SGMS2: variants seen among roughly 807,000 people sequenced by gnomAD.
SGMS2 encodes the protein phosphatidylcholine:ceramide cholinephosphotransferase 2.
In SGMS2, 21 loss-of-function variants were observed where a neutral mutation model predicts 43.8. That is an observed-to-expected ratio of 0.48 (90% confidence interval 0.34 to 0.69). SGMS2 has a LOEUF of 0.69. Among genes scored for constraint, SGMS2 ranks in the 30% least tolerant of loss-of-function variants. SGMS2 has a pLI of 0.01. For missense variants in SGMS2, 384 were observed against 443.2 expected (o/e 0.87, Z 1.20); for synonymous variants, 167 against 160.6 (o/e 1.04, Z -0.30).
At chr4:107,903,136 T>A in intron 4 of SGMS2, 97 bp from the exon 5 acceptor site, 1 of 1,193,806 alleles carries the variant, frequency 8.4e-7, no homozygotes, top group Non-Finnish European at 1.2e-6. Flanking sequence ...AAAAAAAAAA[T>A]CACAACCTGG....
At chr4:107,877,893 T>C (rs1255792787) in intron 2 of SGMS2, among the ~76,000 whole-genome samples, 1 of 150,256 alleles carries the variant, frequency 6.7e-6, no homozygotes, top group Non-Finnish European at 1.5e-5. Flanking sequence ...CCTCACTCTT[T>C]CTTTCTTTCT....
intron 2 of SGMS2, among the ~76,000 whole-genome samples, chr4:107,868,684 C>G (rs1333399898): frequency 1.3e-5 from 2 of 151,926 alleles, no homozygotes; most frequent in African/African-American, 4.8e-5. Flanking sequence ...TGCCACTGCA[C>G]TCCAGCCTGG....
intron 1 of SGMS2, among the ~76,000 whole-genome samples, chr4:107,831,506 A>G (rs1725890689): frequency 1.3e-5 from 2 of 152,346 alleles, no homozygotes; most frequent in South Asian, 4.1e-4. Flanking sequence ...CTCCCTGTGT[A>G]TAAAACATTG....
chr4:107,848,881 A>G (rs1015070395), intron 1 of SGMS2, among the ~76,000 whole-genome samples: 1 of 152,158 alleles, frequency 6.6e-6, no homozygotes, highest in African/African-American at 2.4e-5. Context: ...TTCTTAGAGT[A>G]GAAGTTTTTA....
chr4:107,896,934 C>G (rs1041621976), intron 3 of SGMS2, among the ~76,000 whole-genome samples: 1 of 152,146 alleles, frequency 6.6e-6, no homozygotes, highest in Non-Finnish European at 1.5e-5. Flanking sequence ...GATCAAAACA[C>G]TGACCATAAT....
At chr4:107,888,132 T>C (rs145043586) in intron 2 of SGMS2, among the ~76,000 whole-genome samples, 1 of 152,284 alleles carries the variant, frequency 6.6e-6, no homozygotes, top group Non-Finnish European at 1.5e-5. Flanking sequence ...CTTTAATTTC[T>C]GGCCCAGTGT....
chr4:107,899,542 C>G lies in SGMS2; in HGVS notation c.456-33C>G, dbSNP rs571894291. The G allele has an allele frequency of 4.0e-6, 6 of 1,510,970 alleles. No homozygotes were observed. The East Asian group carries it at 9.1e-5, about 23-fold the overall frequency. The allele number at this position is 1,510,970 out of a possible 1,614,324, so 93.6% of individuals were successfully genotyped here. On this transcript the variant is annotated intron_variant, in intron 3 of 6. Transcript: ENST00000690982. ...ATTAGGAGTAAAACCAACCAGTAAA[C>G]TTGTTTTTCCCCATCCCTATTTTTT...
intron 2 of SGMS2, among the ~76,000 whole-genome samples, chr4:107,879,508 C>G (rs1300493688): frequency 1.3e-5 from 2 of 151,184 alleles, no homozygotes; most frequent in Non-Finnish European, 2.9e-5. Context: ...GTTGCCCAGG[C>G]TAGAGTGCGG....
chr4:107,857,002 AC>A (rs1248919856), intron 1 of SGMS2, among the ~76,000 whole-genome samples: 1 of 152,102 alleles, frequency 6.6e-6, no homozygotes, highest in East Asian at 1.9e-4. Context: ...GAAACCCTAT[AC>A]CCATTAGCAT....
At chr4:107,881,083 C>T (rs1291441283) in intron 2 of SGMS2, among the ~76,000 whole-genome samples, 3 of 151,566 alleles carry the variant, frequency 2.0e-5, no homozygotes, top group Non-Finnish European at 2.9e-5. Context: ...TTTCTTTTTT[C>T]CCCACAATAG....
At chr4:107,903,102 T>G (rs1731262986) in intron 4 of SGMS2, 131 bp from the exon 5 acceptor site, 1 of 825,380 alleles carries the variant, frequency 1.2e-6, no homozygotes, top group Non-Finnish European at 2.0e-6. Context: ...CCTTGGATTC[T>G]TTTTGACTTT....
intron 1 of SGMS2, among the ~76,000 whole-genome samples, chr4:107,846,511 A>G (rs1726830978): frequency 6.7e-6 from 1 of 149,410 alleles, no homozygotes; most frequent in African/African-American, 2.5e-5. Context: ...CCAGTCTATC[A>G]TTGTTGGACA....
chr4:107,863,382 G>A (rs189649383), intron 2 of SGMS2: 1 of 152,272 alleles, frequency 6.6e-6, no homozygotes, highest in East Asian at 1.9e-4. Flanking sequence ...CATAAACTCT[G>A]GGAAAGCATT....
At chr4:107,833,979 C>G (rs1373616014) in intron 1 of SGMS2, among the ~76,000 whole-genome samples, 1 of 152,214 alleles carries the variant, frequency 6.6e-6, no homozygotes, top group African/African-American at 2.4e-5. Context: ...ATGAGCTCTC[C>G]CGTGGAGCCT....
At chr4:107,883,459 C>T (rs898404140) in intron 2 of SGMS2, among the ~76,000 whole-genome samples, 14 of 152,128 alleles carry the variant, frequency 9.2e-5, no homozygotes, top group Admixed American at 5.9e-4. Context: ...GGACTACAGG[C>T]GTGTGCCATC....
chr4:107,828,590 G>A (rs1463483846), intron 1 of SGMS2, among the ~76,000 whole-genome samples: 2 of 152,122 alleles, frequency 1.3e-5, no homozygotes, highest in East Asian at 1.9e-4. Flanking sequence ...TTAGTTTGTT[G>A]CCAGTGTTCA....
chr4:107,848,388 A>T (rs554400439), intron 1 of SGMS2, among the ~76,000 whole-genome samples: 2 of 152,202 alleles, frequency 1.3e-5, no homozygotes, highest in African/African-American at 4.8e-5. Context: ...ATTTGTGTGC[A>T]GCTTTTGTGG....
intron 2 of SGMS2, among the ~76,000 whole-genome samples, chr4:107,868,335 C>T (rs930076783): frequency 1.3e-5 from 2 of 152,170 alleles, no homozygotes; most frequent in African/African-American, 2.4e-5. Flanking sequence ...GATTGCACTT[C>T]GGTAAAAACC....
rs143392363 is a variant in SGMS2 at position 107,895,383 on chromosome 4, T to C, written c.-171T>C. 25 of 675,358 alleles carry C rather than the reference T, an allele frequency of 3.7e-5. No homozygotes were observed. In the African/African-American group the frequency reaches 4.0e-4, roughly 11 times the overall value. 41.8% of individuals were successfully genotyped at this position (675,358 alleles called of 1,614,324 possible). A position where few individuals can be genotyped will look rare whatever the true frequency, so the allele number is the denominator to read the frequency against. On this transcript the variant is annotated 5_prime_UTR_variant, in exon 3 of 7. Coordinates refer to ENST00000690982, the MANE Select transcript of SGMS2 (RefSeq NM_001375905.1). ...AAGTGGTGAAGGTACAGCATATAGC[T>C]GCATGGAAGAAACAGTAATCGGATG...
Sources: allele counts gnomAD v4.1 joint callset (sites outside exome capture counted in the v4.1 genomes callset), GRCh38; gene constraint gnomAD v4.1.1; transcripts MANE v1.5; gene names NCBI Gene and HGNC (gene_info 2026-07-23, HGNC 2026-07-21).